Variants in FRK observed in about 807,000 individuals in gnomAD.
FRK encodes the protein fyn related Src family tyrosine kinase.
FRK carries 51 observed loss-of-function variants against 56.4 expected under a neutral mutation model. The ratio of observed to expected loss-of-function variants is 0.90; its 90% CI spans 0.72 to 1.14. The LOEUF (loss-of-function observed/expected upper bound fraction) is 1.14, where lower values mean the gene tolerates loss of function less well. Among genes scored for constraint, FRK ranks in the 50% most tolerant of loss-of-function variants. The probability of loss-of-function intolerance (pLI) is 0.00; values close to 1 mark genes in which losing one functional copy is unlikely to be tolerated. For synonymous variants in FRK, 245 were observed against 217.9 expected, an observed-to-expected ratio of 1.12 and a Z score of -1.10; for missense variants, 570 against 601.4, an observed-to-expected ratio of 0.95 and a Z score of 0.55.
chr6:116,065,726 G>C (rs1296893876), upstream of FRK, among the ~76,000 whole-genome samples: 1 of 152,090 alleles, frequency 6.6e-6, no homozygotes, highest in East Asian at 1.9e-4. Flanking sequence ...TATTCCATGT[G>C]TGATTCTGAT....
At chr6:115,978,933 G>C (rs1157178302) in intron 2 of FRK, among the ~76,000 whole-genome samples, 2 of 151,832 alleles carry the variant, frequency 1.3e-5, no homozygotes, top group African/African-American at 4.8e-5. Context: ...CATGCCTATA[G>C]TCCCAGCTAC....
the FRK span, among the ~76,000 whole-genome samples, chr6:116,076,377 C>T: frequency 2.0e-5 from 3 of 152,200 alleles, no homozygotes; most frequent in Non-Finnish European, 4.4e-5. Context: ...TATTGGACCA[C>T]ACTTCCTTTT....
At chr6:116,035,230 G>C (rs1776432474) in intron 1 of FRK, among the ~76,000 whole-genome samples, 2 of 151,982 alleles carry the variant, frequency 1.3e-5, no homozygotes, top group Non-Finnish European at 2.9e-5. Context: ...TACTGATTTT[G>C]TTTGCTGCTG....
At chr6:116,043,327 A>G (rs1371267835) in intron 1 of FRK, among the ~76,000 whole-genome samples, 2 of 152,232 alleles carry the variant, frequency 1.3e-5, no homozygotes, top group East Asian at 1.9e-4. Context: ...AAGTGATCAC[A>G]TAATTGGAAG....
chr6:115,968,711 G>T lies in FRK; in HGVS notation c.495C>A (p.Tyr165Ter), dbSNP rs1296809940. 5 of 1,613,494 alleles carry T rather than the reference G, an allele frequency of 3.1e-6. No homozygotes were observed. Among genetic ancestry groups the T allele is most frequent in the East Asian group, 4.5e-5 (2 of 44,876 alleles). ...CCCCTTCATCCAGTCTTTTAATTCT[G>T]TAGTGTTTTACAACTGCTCCATCTA... is the stretch of plus-strand genomic sequence containing the variant. Reference protein sequence around the residue: ...SVLDGAVVKHYRIKRLDEGGF... With the variant: ...SVLDGAVVKH The change falls in exon 3 of 8, where the codon TAC becomes TAA. Residue 165 changes from tyrosine to a stop codon, truncating the protein, a stop_gained. Transcript: ENST00000606080. LOFTEE classifies it high-confidence loss of function.
chr6:115,931,643 T>C lies in FRK; in HGVS notation c.*10771A>G, dbSNP rs1005497064. ...AATAATTAAATATAGATTTTGAAAA[T>C]TGATTAAAAGCTATGATATATTTCT... is the stretch of plus-strand genomic sequence containing the variant. On this transcript the variant is annotated 3_prime_UTR_variant, in exon 8 of 8. Coordinates refer to ENST00000606080, the MANE Select transcript of FRK (RefSeq NM_002031.3). The C allele has an allele frequency of 6.6e-6, 1 of 152,202 alleles. No individual in the cohort carries two copies. The highest frequency in any genetic ancestry group is 2.4e-5 in the African/African-American group (1 of 41,464). The allele number at this position is 152,202 out of a possible 1,614,324, so 9.4% of individuals were successfully genotyped here. A position where few individuals can be genotyped will look rare whatever the true frequency, so the allele number is the denominator to read the frequency against.
intron 4 of FRK, among the ~76,000 whole-genome samples, chr6:115,956,955 G>A (rs78578439): frequency 0.039 from 5,993 of 152,228 alleles, 122 homozygotes; most frequent in African/African-American, 0.057. Flanking sequence ...GAACACGAGC[G>A]CTGAAGGTCA....
At chr6:116,042,438 C>G (rs1350826066) in intron 1 of FRK, among the ~76,000 whole-genome samples, 1 of 152,094 alleles carries the variant, frequency 6.6e-6, no homozygotes, top group African/African-American at 2.4e-5. Flanking sequence ...ATTCAACATT[C>G]CTAAAGAAAA....
chr6:115,978,404 C>T lies in FRK; in HGVS notation c.467-9665G>A, dbSNP rs781340729. 2.6e-5 allele frequency among the ~76,000 whole-genome samples: 4 copies of T among 152,102 alleles called. No individual in the cohort carries two copies. In the South Asian group the frequency reaches 6.2e-4, roughly 24 times the overall value. ...ATAAGACAAAAGGTAAAGAAAAGGACGATGACTCCAGGAACTTGCCTATTA... is the reference window on the plus strand; with the variant it reads ...ATAAGACAAAAGGTAAAGAAAAGGATGATGACTCCAGGAACTTGCCTATTA... On this transcript the variant is annotated intron_variant, in intron 2 of 7. Transcript: ENST00000606080.
intron 1 of FRK, among the ~76,000 whole-genome samples, chr6:116,036,981 A>G (rs1199439222): frequency 6.6e-6 from 1 of 152,192 alleles, no homozygotes; most frequent in African/African-American, 2.4e-5. Flanking sequence ...TTATTAACAT[A>G]GTATTTCTTT....
intron 4 of FRK, among the ~76,000 whole-genome samples, chr6:115,958,768 AGG>A (rs1204679171): frequency 1.2e-5 from 1 of 80,700 alleles, no homozygotes; most frequent in African/African-American, 5.3e-5. Flanking sequence ...AGAAAGAAAG[AGG>A]GGGGGGAAGG....
At chr6:115,958,688 GAAA>G (rs59237141) in intron 4 of FRK, among the ~76,000 whole-genome samples, 267 of 10,752 alleles carry the variant, frequency 0.025, 7 homozygotes, top group African/African-American at 0.051. Flanking sequence ...AAGAAAGAAA[GAAA>G]GAAAGAAAGA....
At chr6:116,076,418 A>T in the FRK span, among the ~76,000 whole-genome samples, 115,849 of 152,154 alleles carry the variant, frequency 0.76, 45,033 homozygotes, top group Middle Eastern at 0.9. Context: ...TCAACTATTG[A>T]GTCATTTTCT....
chr6:116,020,470 T>C (rs569884898), intron 1 of FRK, among the ~76,000 whole-genome samples: 1 of 152,258 alleles, frequency 6.6e-6, no homozygotes, highest in South Asian at 2.1e-4. Flanking sequence ...TTTGTATTTT[T>C]AGTAGAGATG....
chr6:116,056,042 G>A (rs192912075), intron 1 of FRK, among the ~76,000 whole-genome samples: 154 of 152,164 alleles, frequency 1.0e-3, no homozygotes, highest in African/African-American at 3.5e-3. Context: ...ATCAGTGGCT[G>A]GCTTATGTGA....
chr6:116,087,298 A>C, the FRK span, among the ~76,000 whole-genome samples: 1 of 152,236 alleles, frequency 6.6e-6, no homozygotes, highest in African/African-American at 2.4e-5. Context: ...AGAAGCCAAG[A>C]GTTTACTAGC....
the FRK span, among the ~76,000 whole-genome samples, chr6:116,071,061 G>T: frequency 1.3e-5 from 2 of 152,162 alleles, no homozygotes; most frequent in African/African-American, 4.8e-5. Context: ...TGGTGCCTTG[G>T]GCCTTGGAAG....
At chr6:116,052,880 T>G (rs1234539841) in intron 1 of FRK, among the ~76,000 whole-genome samples, 1 of 152,028 alleles carries the variant, frequency 6.6e-6, no homozygotes, top group East Asian at 1.9e-4. Flanking sequence ...TAGACAGAAG[T>G]AAAAGAGGAG....
intron 2 of FRK, chr6:116,002,643 A>G (rs1280269400): frequency 2.2e-6 from 1 of 452,230 alleles, no homozygotes; most frequent in Admixed American, 2.4e-5. Context: ...ATCACACACA[A>G]TCACATTTCA....
Sources: gnomAD v4.1 joint callset for allele counts (sites outside exome capture counted in the v4.1 genomes callset) on GRCh38, gnomAD v4.1.1 for gene constraint, MANE v1.5 for transcripts, NCBI Gene and HGNC (gene_info 2026-07-23, HGNC 2026-07-21) for gene names.